ACSL4: variants seen among roughly 807,000 people sequenced by gnomAD.
ACSL4 encodes long-chain-fatty-acid--CoA ligase 4.
In ACSL4, 9 loss-of-function variants were observed where a neutral mutation model predicts 49.1. That is an observed-to-expected ratio of 0.18 (90% CI 0.11 to 0.32). The LOEUF (loss-of-function observed/expected upper bound fraction) is 0.32. Among genes scored for constraint, ACSL4 ranks in the 10% least tolerant of loss-of-function variants. The pLI, the probability that ACSL4 is intolerant of heterozygous loss-of-function variation, is 1.00. For missense variants in ACSL4, 333 were observed against 493.7 expected (o/e 0.67, Z 3.08); for synonymous variants, 191 against 170.3 (o/e 1.12, Z -0.95).
At chrX:109,671,095 G>GA (rs1200468139) in intron 9 of ACSL4, among the ~76,000 whole-genome samples, 1 of 110,773 alleles carries the variant, frequency 9.0e-6, no homozygotes, top group African/African-American at 3.3e-5. Flanking sequence ...CATCGTCTGG[G>GA]ATGTGAGGAG....
chrX:109,687,411 T>C (rs1040923816), intron 2 of ACSL4, among the ~76,000 whole-genome samples: 6 of 111,549 alleles, frequency 5.4e-5, no homozygotes, highest in Admixed American at 3.8e-4. Context: ...AAACAATGAG[T>C]TCATGTCCTT....
chrX:109,713,997 G>T (rs1926940009), intron 1 of ACSL4, among the ~76,000 whole-genome samples: 1 of 111,741 alleles, frequency 8.9e-6, no homozygotes, highest in Non-Finnish European at 1.9e-5. Context: ...CCTCAGGCAG[G>T]TCCTTTAGGA....
At chrX:109,665,870 A>G (rs768217061) in intron 11 of ACSL4, among the ~76,000 whole-genome samples, 2 of 111,688 alleles carry the variant, frequency 1.8e-5, no homozygotes, top group Non-Finnish European at 3.8e-5. Context: ...TTCCTCATCT[A>G]TGAAATGGAG....
chrX:109,705,331 T>A (rs747740527), intron 1 of ACSL4, among the ~76,000 whole-genome samples: 23 of 112,096 alleles, frequency 2.1e-4, no homozygotes, highest in African/African-American at 7.4e-4. Flanking sequence ...CTTAAGGAAG[T>A]TTAGCTTGTT....
chrX:109,663,079 A>G (rs1019277555), intron 13 of ACSL4, 132 bp downstream of exon 13: 7 of 568,658 alleles, frequency 1.2e-5, no homozygotes, highest in Non-Finnish European at 1.9e-5. Context: ...AAGCTCATAC[A>G]TAAGTTAAAT....
chrX:109,691,308 G>A (rs1016938507), intron 2 of ACSL4, among the ~76,000 whole-genome samples: 1 of 112,062 alleles, frequency 8.9e-6, no homozygotes, highest in South Asian at 3.6e-4. Context: ...ACCAAATAAA[G>A]AGACAATTTG....
chrX:109,671,885 G>GTT (rs1257654315), intron 9 of ACSL4, among the ~76,000 whole-genome samples: 5 of 109,800 alleles, frequency 4.6e-5, no homozygotes, highest in African/African-American at 1.7e-4. Context: ...CAGCATGCTC[G>GTT]TTAACAGTCA....
At chrX:109,669,260 A>G in intron 9 of ACSL4, 87 bp from the exon 10 acceptor site, 2 of 736,808 alleles carry the variant, frequency 2.7e-6, no homozygotes, top group Non-Finnish European at 4.1e-6. Flanking sequence ...ATCTTGGGTA[A>G]AAGTCTTTAG....
intron 1 of ACSL4, among the ~76,000 whole-genome samples, chrX:109,727,916 T>C (rs1395738810): frequency 1.8e-5 from 2 of 112,075 alleles, no homozygotes; most frequent in African/African-American, 6.5e-5. Flanking sequence ...GGGCAGGATT[T>C]GGCCACAGGC....
At chrX:109,725,509 C>T (rs1263296204) in intron 1 of ACSL4, among the ~76,000 whole-genome samples, 1 of 111,297 alleles carries the variant, frequency 9.0e-6, no homozygotes, top group Non-Finnish European at 1.9e-5. Flanking sequence ...ACACCTATAA[C>T]CCCAGCACTC....
At chrX:109,701,106 A>G (rs1195928229) in intron 1 of ACSL4, among the ~76,000 whole-genome samples, 1 of 112,550 alleles carries the variant, frequency 8.9e-6, no homozygotes, top group South Asian at 3.7e-4. Context: ...TACAAAATAT[A>G]TTAAATGAAG....
intron 11 of ACSL4, among the ~76,000 whole-genome samples, chrX:109,667,678 C>A (rs1047353276): frequency 1.2e-4 from 13 of 111,466 alleles, no homozygotes; most frequent in African/African-American, 3.9e-4. Flanking sequence ...AGGCAGATCA[C>A]CTGAGGTCAG....
At chrX:109,653,955 T>C (rs1159321728) in intron 15 of ACSL4, among the ~76,000 whole-genome samples, 2 of 109,382 alleles carry the variant, frequency 1.8e-5, no homozygotes, top group Non-Finnish European at 3.8e-5. Context: ...TAAAGTATAA[T>C]AATAATTTTT....
At chrX:109,702,286 A>T (rs138848561) in intron 1 of ACSL4, among the ~76,000 whole-genome samples, 2,467 of 112,020 alleles carry the variant, frequency 0.022, 31 homozygotes, top group Non-Finnish European at 0.034. Context: ...GAATACATAG[A>T]TCTATTTTTT....
chrX:109,701,734 T>C (rs1349504562), intron 1 of ACSL4, among the ~76,000 whole-genome samples: 21 of 95,062 alleles, frequency 2.2e-4, no homozygotes, highest in African/African-American at 7.8e-4. Context: ...TTAGTAGAGA[T>C]GGGGTTTCAC....
At chrX:109,723,616 A>G (rs1052607775) in intron 1 of ACSL4, among the ~76,000 whole-genome samples, 88 of 112,132 alleles carry the variant, frequency 7.8e-4, no homozygotes, top group Non-Finnish European at 1.5e-3. Flanking sequence ...ACTTACCATT[A>G]TTTAAATCAT....
intron 1 of ACSL4, among the ~76,000 whole-genome samples, chrX:109,726,837 C>T (rs1436864346): frequency 1.8e-5 from 2 of 109,754 alleles, no homozygotes; most frequent in Non-Finnish European, 3.8e-5. Flanking sequence ...TGCCACCATG[C>T]CTGGCTTTTT....
intron 1 of ACSL4, among the ~76,000 whole-genome samples, chrX:109,707,755 T>C (rs990605352): frequency 1.8e-5 from 2 of 111,660 alleles, no homozygotes; most frequent in Non-Finnish European, 3.8e-5. Flanking sequence ...GGTAAAATAA[T>C]GTATCCATGT....
In ACSL4 at chrX:109,733,226, T is replaced by C. The variant is rs1465321661; in HGVS notation, c.-153A>G. The C allele has an allele frequency of 4.3e-5, 14 of 323,247 alleles. No homozygotes were observed. Among genetic ancestry groups the C allele is most frequent in the African/African-American group, 1.9e-4 (7 of 37,288 alleles). The allele number at this position is 323,247 out of a possible 1,213,427, so 26.6% of individuals were successfully genotyped here. A position where few individuals can be genotyped will look rare whatever the true frequency, so the allele number is the denominator to read the frequency against. ...AAAGGAACCGCGTGCCCGCTAGCGC[T>C]GGGACGAGGAGGAGCGCGCGGCGGA... On this transcript the variant is annotated 5_prime_UTR_variant, in exon 1 of 16. Coordinates refer to ENST00000672401, the MANE Select transcript of ACSL4 (RefSeq NM_001318510.2).
Sources: allele counts gnomAD v4.1 joint callset (sites outside exome capture counted in the v4.1 genomes callset), GRCh38; gene constraint gnomAD v4.1.1; transcripts MANE v1.5; gene names NCBI Gene and HGNC (gene_info 2026-07-23, HGNC 2026-07-21).